KIRREL1: variants seen among roughly 807,000 people sequenced by gnomAD.
KIRREL1 encodes kirre like nephrin family adhesion molecule 1, also known as kin of IRRE-like protein 1.
A neutral mutation model predicts 83.3 loss-of-function variants in KIRREL1; 25 were observed. The ratio of observed to expected loss-of-function variants is 0.30; its 90% CI spans 0.22 to 0.42. KIRREL1 has a LOEUF of 0.42. Among genes scored for constraint, KIRREL1 ranks in the 10% least tolerant of loss-of-function variants. The pLI is 1.00. For synonymous variants in KIRREL1, 388 were observed against 410.4 expected (o/e 0.95, Z 0.66); for missense variants, 812 against 1,032.3 (o/e 0.79, Z 2.92).
chr1:158,087,586 T>A (rs541832874), intron 5 of KIRREL1, among the ~76,000 whole-genome samples, 169 bp from the exon 6 acceptor site: 58 of 152,080 alleles, frequency 3.8e-4, no homozygotes, highest in Non-Finnish European at 6.9e-4. Flanking sequence ...CCCTAGAGGC[T>A]CCATGTGCAA....
At chr1:158,055,980 C>T (rs1156517524) in intron 1 of KIRREL1, among the ~76,000 whole-genome samples, 2 of 152,314 alleles carry the variant, frequency 1.3e-5, no homozygotes, top group African/African-American at 4.8e-5. Context: ...TACCCATGAG[C>T]AGGCACTGGT....
chr1:158,018,861 C>T (rs751567399), intron 1 of KIRREL1, among the ~76,000 whole-genome samples: 16 of 152,108 alleles, frequency 1.1e-4, no homozygotes, highest in East Asian at 1.9e-4. Flanking sequence ...TGATGTGCTA[C>T]GAGAGAAGAT....
chr1:158,012,217 CAT>C (rs1401932306), intron 1 of KIRREL1, among the ~76,000 whole-genome samples: 5 of 152,262 alleles, frequency 3.3e-5, no homozygotes, highest in South Asian at 2.1e-4. Flanking sequence ...TTGGGCAAGA[CAT>C]GTGCTTTTTT....
At chr1:158,046,474 G>A (rs1570947777) in intron 1 of KIRREL1, among the ~76,000 whole-genome samples, 1 of 152,152 alleles carries the variant, frequency 6.6e-6, no homozygotes, top group Non-Finnish European at 1.5e-5. Context: ...CACTGCAGCT[G>A]GAGGGAAAGG....
chr1:158,051,302 A>G (rs144132044), intron 1 of KIRREL1, among the ~76,000 whole-genome samples: 1 of 152,194 alleles, frequency 6.6e-6, no homozygotes, highest in Non-Finnish European at 1.5e-5. Flanking sequence ...GCAAGGGCAG[A>G]TACAAGAACC....
At chr1:158,088,515 C>G in intron 8 of KIRREL1, 61 bp downstream of exon 8, 1 of 1,374,826 alleles carries the variant, frequency 7.3e-7, no homozygotes, top group South Asian at 1.5e-5. Flanking sequence ...GACGGAGTCT[C>G]GCTCTGTCGC....
intron 3 of KIRREL1, among the ~76,000 whole-genome samples, chr1:158,080,135 G>A (rs967826175): frequency 1.3e-5 from 2 of 152,092 alleles, no homozygotes; most frequent in Admixed American, 6.5e-5. Context: ...AGTATTCCGA[G>A]GAACCGTGAG....
chr1:158,011,214 G>A (rs948669668), intron 1 of KIRREL1, among the ~76,000 whole-genome samples: 3 of 152,178 alleles, frequency 2.0e-5, no homozygotes, highest in East Asian at 1.9e-4. Flanking sequence ...CTTTACACTC[G>A]GTTTTCAAGC....
At chr1:158,048,964 T>C (rs1366090061) in intron 1 of KIRREL1, among the ~76,000 whole-genome samples, 1 of 152,150 alleles carries the variant, frequency 6.6e-6, no homozygotes, top group Non-Finnish European at 1.5e-5. Flanking sequence ...TAGTACAAAC[T>C]GAGCTCAGAG....
Position 158,095,418 on chromosome 1 carries a change from A to AG in KIRREL1, c.*304dup. The AG allele has an allele frequency of 3.1e-6, 1 of 321,486 alleles. No homozygotes were observed. The allele number at this position is 321,486 out of a possible 1,614,324, so 19.9% of individuals were successfully genotyped here. A position where few individuals can be genotyped will look rare whatever the true frequency, so the allele number is the denominator to read the frequency against. ...GGAAAGTGAAGGTTAGGGAAAGCAGAGGGGGGCACTTTTTAGCATTCCCTT... is the reference window on the plus strand; with the variant it reads ...GGAAAGTGAAGGTTAGGGAAAGCAGAGGGGGGGCACTTTTTAGCATTCCCTT... On this transcript the variant is annotated 3_prime_UTR_variant, in exon 15 of 15. Coordinates refer to ENST00000359209, the MANE Select transcript of KIRREL1 (RefSeq NM_018240.7).
intron 1 of KIRREL1, among the ~76,000 whole-genome samples, chr1:157,996,431 G>A (rs967068091): frequency 2.7e-4 from 41 of 152,200 alleles, no homozygotes; most frequent in Non-Finnish European, 5.7e-4. Flanking sequence ...ATGACAGGCC[G>A]GCTCGGGGAG....
rs1464674604 is a variant in KIRREL1 at position 158,095,088 on chromosome 1, C to G, written c.2242C>G (p.Arg748Gly). ...CTCCCAGCACTCGGACTACGGCCAG[C>G]GATTCCAGCAGCGCATGCAGACTCA... ...YTSQHSDYGQ[R>G]FQQRMQTHV The change falls in exon 15 of 15, where the codon CGA becomes GGA. Residue 748 changes from arginine to glycine, a missense_variant. By Grantham distance (125) the Arg-to-Gly change is moderately radical. Around this residue, in one of 3 missense-constraint regions of KIRREL1, gnomAD observed 334 missense variants for 383.7 expected, o/e 0.87. Coordinates refer to ENST00000359209, the MANE Select transcript of KIRREL1 (RefSeq NM_018240.7). The G allele has an allele frequency of 6.2e-7, 1 of 1,607,370 alleles. No individual in the cohort carries two copies. The highest frequency in any genetic ancestry group is 1.3e-5 in the African/African-American group (1 of 74,854).
At position 158,086,666 on chromosome 1, in the gene KIRREL1, T is replaced by C. The variant is rs777659418; in HGVS notation, c.581T>C (p.Ile194Thr). Residue 194 changes from isoleucine to threonine, a missense_variant, in exon 5 of 15, where the codon ATA becomes ACA. This residue lies in a region of KIRREL1 where 472 missense variants were observed against 626.8 expected (regional missense o/e 0.75). Transcript: ENST00000359209. ...QLLINPTDLD[I>T]GRVFTCRSMN... ...CTTATTAACCCCACGGACCTGGACA[T>C]AGGGCGTGTCTTCACTTGCCGAAGC... 52 of 1,551,500 alleles carry C rather than the reference T, an allele frequency of 3.4e-5. No individual in the cohort carries two copies. Among genetic ancestry groups the C allele is most frequent in the Non-Finnish European group, 4.4e-5 (51 of 1,146,988 alleles).
chr1:158,076,704 C>G (rs1661692124), intron 2 of KIRREL1, among the ~76,000 whole-genome samples: 1 of 152,250 alleles, frequency 6.6e-6, no homozygotes, highest in Admixed American at 6.5e-5. Context: ...CTCCCCGCTG[C>G]CCAGGCGATG....
At chr1:158,033,788 T>G (rs895517443) in intron 1 of KIRREL1, among the ~76,000 whole-genome samples, 2 of 151,596 alleles carry the variant, frequency 1.3e-5, no homozygotes, top group African/African-American at 4.9e-5. Flanking sequence ...AAGACCAGCC[T>G]GGCCAACATG....
chr1:158,036,539 C>G (rs1660480865), intron 1 of KIRREL1, among the ~76,000 whole-genome samples: 1 of 152,116 alleles, frequency 6.6e-6, no homozygotes, highest in Non-Finnish European at 1.5e-5. Context: ...TAGACCTTTC[C>G]AGGTTTTGGC....
intron 1 of KIRREL1, among the ~76,000 whole-genome samples, chr1:158,031,770 A>G (rs952998468): frequency 3.4e-4 from 52 of 152,344 alleles, no homozygotes; most frequent in South Asian, 4.1e-4. Flanking sequence ...TAGATAAAGA[A>G]GATTGAAAAG....
At chr1:158,037,386 G>A (rs538199253) in intron 1 of KIRREL1, among the ~76,000 whole-genome samples, 7 of 151,866 alleles carry the variant, frequency 4.6e-5, no homozygotes, top group East Asian at 3.9e-4. Context: ...CCAGCTGCTC[G>A]GGAGGCTGAC....
chr1:158,071,658 C>T (rs1228369676), intron 1 of KIRREL1, among the ~76,000 whole-genome samples: 1 of 152,154 alleles, frequency 6.6e-6, no homozygotes, highest in Non-Finnish European at 1.5e-5. Context: ...ACCTTCCCAC[C>T]CCACATAGAG....
Sources: allele counts gnomAD v4.1 joint callset (sites outside exome capture counted in the v4.1 genomes callset), GRCh38; gene constraint gnomAD v4.1.1; regional missense constraint gnomAD v4.1.1; transcripts MANE v1.5; gene names NCBI Gene and HGNC (gene_info 2026-07-23, HGNC 2026-07-21).